Variants in MTR observed in about 807,000 individuals in gnomAD.
The protein encoded by MTR is 5-methyltetrahydrofolate-homocysteine methyltransferase.
MTR carries 84 observed loss-of-function variants against 154.8 expected under a neutral mutation model. The observed-to-expected ratio is 0.54, with a 90% confidence interval of 0.45 to 0.65. The LOEUF (loss-of-function observed/expected upper bound fraction) is 0.65. Ranked by LOEUF, MTR falls within the 30% of genes least tolerant of loss-of-function variation. The pLI is 0.00. For missense variants in MTR, 1,275 were observed against 1,570.2 expected (o/e 0.81, Z 3.18); for synonymous variants, 554 against 553.9 (o/e 1.00, Z 0.00).
rs748175083 is a variant in MTR, at chr1:236,891,219, G to A, written c.3094G>A (p.Val1032Ile). ...SQKKLRARGVVGFWPAQSIQD... is the reference protein window; with the variant it reads ...SQKKLRARGVIGFWPAQSIQD... ...AAAGAAACTCCGGGCCCGGGGTGTG[G>A]TTGGGTTCTGGCCAGCACAGAGTAT... Residue 1032 changes from valine to isoleucine, a missense_variant, in exon 29 of 33, where the codon GTT becomes ATT. Physicochemically the swap from Val to Ile is conservative, Grantham distance 29. Transcript: ENST00000366577. 6.2e-7 allele frequency: 1 copy of A among 1,614,126 alleles called. No individual in the cohort carries two copies. The highest frequency in any genetic ancestry group is 8.5e-7 in the Non-Finnish European group (1 of 1,180,032).
chr1:236,865,046 C>G (rs1438791227), intron 22 of MTR, among the ~76,000 whole-genome samples: 1 of 152,172 alleles, frequency 6.6e-6, no homozygotes, highest in African/African-American at 2.4e-5. Flanking sequence ...GAGTATTATA[C>G]TAGCAATGTT....
intron 8 of MTR, among the ~76,000 whole-genome samples, chr1:236,823,872 T>G (rs554460938): frequency 1.5e-5 from 2 of 135,658 alleles, no homozygotes; most frequent in African/African-American, 5.4e-5. Context: ...TAGAATACCA[T>G]GTGAACTGAT....
At chr1:236,862,100 A>C (rs775963512) in intron 20 of MTR, 136 bp from the exon 21 acceptor site, 1 of 768,620 alleles carries the variant, frequency 1.3e-6, no homozygotes, top group African/African-American at 1.7e-5. Flanking sequence ...TGTTCTGCCT[A>C]CTGTCAAAAG....
chr1:236,860,013 G>T, intron 19 of MTR, 91 bp downstream of exon 19: 1 of 1,051,108 alleles, frequency 9.5e-7, no homozygotes, highest in Non-Finnish European at 1.4e-6. Flanking sequence ...TGGAGAAGGA[G>T]ATGCCTAGAC....
intron 30 of MTR, chr1:236,895,146 T>C: frequency 3.2e-6 from 2 of 622,858 alleles, no homozygotes; most frequent in Non-Finnish European, 5.8e-6. Flanking sequence ...CCTTCAGAGC[T>C]CAGGTTGAGG....
At chr1:236,859,555 T>C (rs1292980753) in intron 18 of MTR, among the ~76,000 whole-genome samples, 1 of 152,222 alleles carries the variant, frequency 6.6e-6, no homozygotes, top group Non-Finnish European at 1.5e-5. Context: ...CTGGAAATTT[T>C]GTGTTGAGTT....
chr1:236,898,373 G>A lies in MTR; in HGVS notation c.*729G>A, dbSNP rs1481624415. On this transcript the variant is annotated 3_prime_UTR_variant, in exon 33 of 33. Coordinates refer to ENST00000366577, the MANE Select transcript of MTR (RefSeq NM_000254.3). ...GGAGAGAAAGTTACTGTTAAGGGTG[G>A]TTAACATTTTTTTTGTTTTGTTTTG... 1 of 147,976 alleles carries A rather than the reference G, an allele frequency of 6.8e-6. No homozygotes were observed. Among genetic ancestry groups the A allele is most frequent in the Non-Finnish European group, 1.5e-5 (1 of 67,504 alleles). The allele number at this position is 147,976 out of a possible 1,614,324, so 9.2% of individuals were successfully genotyped here.
chr1:236,820,895 CATG>C (rs1453952718), intron 8 of MTR, among the ~76,000 whole-genome samples: 14 of 152,332 alleles, frequency 9.2e-5, no homozygotes, highest in African/African-American at 3.4e-4. Context: ...TCCTTAAAAA[CATG>C]ATAATTTTGA....
chr1:236,799,396 T>C (rs1660581796), intron 1 of MTR, among the ~76,000 whole-genome samples: 1 of 152,196 alleles, frequency 6.6e-6, no homozygotes, highest in Admixed American at 6.5e-5. Flanking sequence ...GTGTTGGGAT[T>C]ACAAGTGTGA....
intron 2 of MTR, among the ~76,000 whole-genome samples, chr1:236,805,942 T>G (rs1434797466): frequency 1.3e-5 from 2 of 152,206 alleles, no homozygotes; most frequent in Admixed American, 1.3e-4. Context: ...GAATTCAAGT[T>G]TCGTGTTTAT....
At chr1:236,863,186 GT>G in intron 21 of MTR, among the ~76,000 whole-genome samples, 1 of 152,370 alleles carries the variant, frequency 6.6e-6, no homozygotes, top group East Asian at 1.9e-4. Context: ...AGTTAAGGAT[GT>G]GGTCTTCAGC....
chr1:236,827,381 G>A (rs539203659), intron 11 of MTR, among the ~76,000 whole-genome samples: 1 of 152,266 alleles, frequency 6.6e-6, no homozygotes, highest in East Asian at 1.9e-4. Context: ...ACATTTTAGA[G>A]AAATAATAAA....
chr1:236,853,053 C>G lies in MTR; in HGVS notation c.1918C>G (p.Pro640Ala). 6.2e-7 allele frequency: 1 copy of G among 1,613,422 alleles called. No individual in the cohort carries two copies. Among genetic ancestry groups the G allele is most frequent in the Non-Finnish European group, 8.5e-7 (1 of 1,179,812 alleles). ...TGAAGATCTCATCTGGAATAAAGAC[C>G]CTGAGGCCACTGAGAAGCTCTTACG... ...LCEDLIWNKD[P>A]EATEKLLRYA... Residue 640 changes from proline to alanine, a missense_variant, in exon 18 of 33, where the codon CCT (proline) becomes GCT (alanine). Coordinates refer to ENST00000366577, the MANE Select transcript of MTR (RefSeq NM_000254.3).
chr1:236,795,866 A>G, intron 1 of MTR, 129 bp downstream of exon 1: 2 of 1,428,242 alleles, frequency 1.4e-6, no homozygotes, highest in South Asian at 1.2e-5. Context: ...TGTGGGCGGC[A>G]CCTTTAGAAC....
chr1:236,817,688 T>G (rs1661677297), intron 8 of MTR, among the ~76,000 whole-genome samples: 1 of 152,216 alleles, frequency 6.6e-6, no homozygotes, highest in African/African-American at 2.4e-5. Context: ...TTAGATCACA[T>G]TTTATCAATT....
intron 7 of MTR, among the ~76,000 whole-genome samples, 173 bp downstream of exon 7, chr1:236,815,836 A>G (rs2103059383): frequency 6.6e-6 from 1 of 152,268 alleles, no homozygotes; most frequent in African/African-American, 2.4e-5. Flanking sequence ...ACAGTCTTAT[A>G]TCTGGAGAGG....
chr1:236,895,845 G>C (rs1666594951), intron 31 of MTR, among the ~76,000 whole-genome samples: 1 of 152,184 alleles, frequency 6.6e-6, no homozygotes, highest in Non-Finnish European at 1.5e-5. Context: ...CCAGTTTCCT[G>C]TCACAGGCAT....
chr1:236,814,090 A>C (rs993341289), intron 6 of MTR, among the ~76,000 whole-genome samples: 1 of 152,152 alleles, frequency 6.6e-6, no homozygotes, highest in African/African-American at 2.4e-5. Context: ...TTTTCAAAAA[A>C]ATCGTTTTCT....
chr1:236,900,575 A>T lies in MTR; in HGVS notation c.*2931A>T, dbSNP rs1666875815. ...TTACTATATGCTATTAATACATTAT[A>T]CTTTATAACTAATAGATAACAGTTT... On this transcript the variant is annotated 3_prime_UTR_variant, in exon 33 of 33. Coordinates refer to ENST00000366577, the MANE Select transcript of MTR (RefSeq NM_000254.3). 1 of 152,234 alleles carries T rather than the reference A, an allele frequency of 6.6e-6. No individual in the cohort carries two copies. The highest frequency in any genetic ancestry group is 2.1e-4 in the South Asian group (1 of 4,836). 9.4% of individuals were successfully genotyped at this position (152,234 alleles called of 1,614,324 possible).
Sources: allele counts gnomAD v4.1 joint callset (sites outside exome capture counted in the v4.1 genomes callset), GRCh38; gene constraint gnomAD v4.1.1; transcripts MANE v1.5; gene names NCBI Gene and HGNC (gene_info 2026-07-23, HGNC 2026-07-21).